Variants in COL28A1 observed in about 807,000 individuals in gnomAD.
COL28A1 encodes collagen alpha-1(XXVIII) chain.
COL28A1 carries 161 observed loss-of-function variants against 150.2 expected under a neutral mutation model. The observed-to-expected ratio is 1.07, with a 90% CI of 0.94 to 1.22. The LOEUF (loss-of-function observed/expected upper bound fraction) is 1.22, where lower values mean the gene tolerates loss of function less well. Ranked by LOEUF, COL28A1 falls within the 50% of genes most tolerant of loss-of-function variation. The probability of loss-of-function intolerance (pLI) is 0.00; values close to 1 mark genes in which losing one functional copy is unlikely to be tolerated. For missense variants in COL28A1, 1,617 were observed against 1,388.3 expected (o/e 1.16, Z -2.62); for synonymous variants, 552 against 469.7 (o/e 1.18, Z -2.26).
intron 20 of COL28A1, 128 bp from the exon 21 acceptor site, chr7:7,440,989 G>A: frequency 4.0e-6 from 2 of 502,376 alleles, no homozygotes; most frequent in South Asian, 4.1e-5. Context: ...CCTGAGCACA[G>A]CTCAATTGCG....
intron 21 of COL28A1, among the ~76,000 whole-genome samples, chr7:7,438,516 A>G (rs1422479605): frequency 2.6e-5 from 4 of 152,230 alleles, no homozygotes; most frequent in Non-Finnish European, 5.9e-5. Context: ...GCCCAGGATT[A>G]CGAAATTTTA....
At chr7:7,352,024 C>A (rs1203776954), downstream of COL28A1, among the ~76,000 whole-genome samples, 1 of 152,142 alleles carries the variant, frequency 6.6e-6, no homozygotes, top group East Asian at 1.9e-4. Flanking sequence ...AAGCCTGCTA[C>A]CTGGAGACTT....
In COL28A1 at chr7:7,370,888, A is replaced by T. The variant is rs752055718; in HGVS notation, c.2909-6T>A. The T allele has an allele frequency of 6.3e-7, 1 of 1,588,086 alleles. No homozygotes were observed. The highest frequency in any genetic ancestry group is 1.7e-5 in the Admixed American group (1 of 59,518). On this transcript the variant is annotated splice_region_variant and splice_polypyrimidine_tract_variant and intron_variant, in intron 32 of 34. Transcript: ENST00000399429. ...CAATTTTTGCTTCAGGGTGTCTTTT[A>T]AAAAAGAAGTAGAAAAGAGAGATAG...
chr7:7,526,026 G>C (rs1026766667), intron 3 of COL28A1, among the ~76,000 whole-genome samples: 5 of 152,206 alleles, frequency 3.3e-5, no homozygotes, highest in Middle Eastern at 3.2e-3. Context: ...GTATCTTTAA[G>C]AGCTAGGAGG....
intron 30 of COL28A1, among the ~76,000 whole-genome samples, chr7:7,380,423 C>G (rs567524592): frequency 2.6e-5 from 4 of 152,040 alleles, no homozygotes; most frequent in Non-Finnish European, 5.9e-5. Flanking sequence ...ACCAAGCATC[C>G]GAGTGGAGTA....
chr7:7,477,012 T>A, intron 14 of COL28A1, 100 bp downstream of exon 14: 1 of 724,606 alleles, frequency 1.4e-6, no homozygotes. Context: ...GTCAGAAAAA[T>A]AATTAACTTC....
At chr7:7,352,704 G>A (rs544851978), downstream of COL28A1, among the ~76,000 whole-genome samples, 2 of 152,154 alleles carry the variant, frequency 1.3e-5, no homozygotes, top group Non-Finnish European at 2.9e-5. Context: ...TTTGATTTTA[G>A]CCCAGTGAGA....
chr7:7,370,755 A>G lies in COL28A1; in HGVS notation c.3036T>C (p.Thr1012=). 6.2e-7 allele frequency: 1 copy of G among 1,613,554 alleles called. No homozygotes were observed. Among genetic ancestry groups the G allele is most frequent in the South Asian group, 1.1e-5 (1 of 90,860 alleles). The part of the protein sequence containing the change: ...GMSGEELSES[T]PEPQKEISES... ...CAGAAATTTCTTTTTGAGGCTCTGG[A>G]GTAGATTCACTGAGTTCTTCCCCTG... is the stretch of plus-strand genomic sequence containing the variant. Residue 1012 remains threonine, a synonymous_variant, in exon 33 of 35, where the codon ACT becomes ACC. Transcript: ENST00000399429.
chr7:7,479,972 A>G (rs6463694), intron 13 of COL28A1, among the ~76,000 whole-genome samples: 60,537 of 152,108 alleles, frequency 0.4, 15,309 homozygotes, highest in African/African-American at 0.72. Context: ...AATCTAAACA[A>G]ATAATTAGGC....
Position 7,452,470 on chromosome 7 carries a change from A to G in COL28A1, c.1441-83T>C, listed in dbSNP as rs2128330217. 4.0e-6 allele frequency: 6 copies of G among 1,484,480 alleles called. No individual in the cohort carries two copies. The South Asian group carries it at 8.4e-5, about 21-fold the overall frequency. The allele number at this position is 1,484,480 out of a possible 1,614,324, so 92.0% of individuals were successfully genotyped here. A position where few individuals can be genotyped will look rare whatever the true frequency, so the allele number is the denominator to read the frequency against. Reference sequence around the variant, plus strand: ...GATCTCCTAAAACCTGTCTTATATCAACAAAGTAAAACAGTTTCATGTGCT... The same window carrying G: ...GATCTCCTAAAACCTGTCTTATATCGACAAAGTAAAACAGTTTCATGTGCT... On this transcript the variant is annotated intron_variant, in intron 17 of 34. Coordinates refer to ENST00000399429, the MANE Select transcript of COL28A1 (RefSeq NM_001037763.3).
intron 18 of COL28A1, among the ~76,000 whole-genome samples, chr7:7,448,899 G>C (rs1257448510): frequency 6.6e-6 from 1 of 151,976 alleles, no homozygotes; most frequent in South Asian, 2.1e-4. Flanking sequence ...ACTAGTCTAT[G>C]ATGACAAAAA....
chr7:7,532,729 A>G (rs745807268), intron 2 of COL28A1, 23 bp downstream of exon 2: 8 of 1,587,026 alleles, frequency 5.0e-6, no homozygotes, highest in African/African-American at 4.2e-5. Flanking sequence ...AAACTTAAAA[A>G]CAAACAATTT....
At chr7:7,512,231 G>T (rs10257458) in intron 8 of COL28A1, among the ~76,000 whole-genome samples, 2,713 of 152,236 alleles carry the variant, frequency 0.018, 98 homozygotes, top group African/African-American at 0.061. Context: ...CTTGGGAAAT[G>T]TTGGCCAAAG....
chr7:7,406,410 C>G (rs1783494029), intron 27 of COL28A1, among the ~76,000 whole-genome samples: 1 of 152,100 alleles, frequency 6.6e-6, no homozygotes, highest in Non-Finnish European at 1.5e-5. Context: ...CTACTATTTG[C>G]CAGATACTCT....
At chr7:7,483,875 TA>T (rs1779482142) in intron 13 of COL28A1, among the ~76,000 whole-genome samples, 1 of 152,066 alleles carries the variant, frequency 6.6e-6, no homozygotes, top group South Asian at 2.1e-4. Flanking sequence ...AAAAAATAAC[TA>T]AGAATTTTTA....
At chr7:7,367,014 G>A (rs1004618575) in intron 33 of COL28A1, among the ~76,000 whole-genome samples, 6 of 152,220 alleles carry the variant, frequency 3.9e-5, no homozygotes, top group African/African-American at 1.4e-4. Context: ...GCTGCATAAT[G>A]ACATTTTGGT....
At chr7:7,509,786 T>C (rs1298951704) in intron 9 of COL28A1, among the ~76,000 whole-genome samples, 1 of 152,244 alleles carries the variant, frequency 6.6e-6, no homozygotes, top group East Asian at 1.9e-4. Flanking sequence ...TTCATTTCTA[T>C]TCTATTCTAT....
chr7:7,449,267 A>G (rs1404371410), intron 18 of COL28A1, among the ~76,000 whole-genome samples: 1 of 152,140 alleles, frequency 6.6e-6, no homozygotes, highest in African/African-American at 2.4e-5. Context: ...AAACTCTGTA[A>G]ATGTAATGTA....
intron 4 of COL28A1, 60 bp from the exon 5 acceptor site, chr7:7,522,021 T>G (rs181003036): frequency 3.6e-6 from 3 of 831,006 alleles, no homozygotes; most frequent in African/African-American, 3.3e-5. Flanking sequence ...TATGCAGCAT[T>G]TCAAATTGTA....
Sources: allele counts gnomAD v4.1 joint callset (sites outside exome capture counted in the v4.1 genomes callset), GRCh38; gene constraint gnomAD v4.1.1; transcripts MANE v1.5; gene names NCBI Gene and HGNC (gene_info 2026-07-23, HGNC 2026-07-21).